Variants in DNM2 observed in about 807,000 individuals in gnomAD.
DNM2 encodes dynamin 2.
DNM2 carries 15 observed loss-of-function variants against 99.0 expected under a neutral mutation model. The observed-to-expected ratio is 0.15, with a 90% CI of 0.10 to 0.23. The LOEUF is 0.23. Among genes scored for constraint, DNM2 ranks in the 10% least tolerant of loss-of-function variants. DNM2 has a pLI of 1.00. For missense variants in DNM2, 742 were observed against 1,189.4 expected, an observed-to-expected ratio of 0.62 and a Z score of 5.53; for synonymous variants, 525 against 481.2, an observed-to-expected ratio of 1.09 and a Z score of -1.19.
intron 1 of DNM2, among the ~76,000 whole-genome samples, chr19:10,758,363 T>C (rs867198446): frequency 8.8e-4 from 67 of 75,812 alleles, no homozygotes; most frequent in Non-Finnish European, 1.0e-3. Flanking sequence ...CCCTCCTTCC[T>C]TCCCTCCCTC....
At chr19:10,822,817 AAC>A (rs1737778852) in intron 16 of DNM2, among the ~76,000 whole-genome samples, 1 of 151,414 alleles carries the variant, frequency 6.6e-6, no homozygotes, top group Non-Finnish European at 1.5e-5. Context: ...TTTTATAAAA[AAC>A]ACACAGGCCG....
chr19:10,816,856 C>T lies in DNM2; in HGVS notation c.1672-3124C>T, dbSNP rs1240432934. 6.6e-6 allele frequency among the ~76,000 whole-genome samples: 1 copy of T among 152,204 alleles called. No individual in the cohort carries two copies. The highest frequency in any genetic ancestry group is 2.4e-5 in the African/African-American group (1 of 41,456). On this transcript the variant is annotated intron_variant, in intron 15 of 20. Coordinates refer to ENST00000389253, the MANE Select transcript of DNM2 (RefSeq NM_001005361.3). The surrounding 1 kb of genome is among the most constrained non-coding windows in gnomAD (Gnocchi z 4.6). The stretch of plus-strand genomic sequence containing the variant: ...CTCTTCCTTCACGTGAGGGGCCCTT[C>T]GTGTTTTTCTCATCTGAGAGTTGAA...
At chr19:10,732,863 G>C (rs563352462) in intron 1 of DNM2, among the ~76,000 whole-genome samples, 13 of 151,826 alleles carry the variant, frequency 8.6e-5, no homozygotes, top group South Asian at 2.1e-4. Flanking sequence ...GTGCCTCCAA[G>C]AATGTTTGGC....
chr19:10,771,993 A>G (rs1012210788), intron 2 of DNM2, among the ~76,000 whole-genome samples: 5 of 152,296 alleles, frequency 3.3e-5, no homozygotes, highest in Admixed American at 2.6e-4. Flanking sequence ...GACCCTTGTC[A>G]TGAGAACGAA....
At position 10,820,715 on chromosome 19, in the gene DNM2, GC is replaced by G. The variant is rs1198261450; in HGVS notation, c.1781+627del. On this transcript the variant is annotated intron_variant, in intron 16 of 20. Coordinates refer to ENST00000389253, the MANE Select transcript of DNM2 (RefSeq NM_001005361.3). This position sits in a 1 kb window ranked among gnomAD's most constrained non-coding sequence, Gnocchi z 4.3. ...CCAAGGGAGAGGGTGCATCAGGGAG[GC>G]ACCTGGGTAGATCGAGGAGTGTGAT... 5.9e-5 allele frequency among the ~76,000 whole-genome samples: 9 copies of G among 152,212 alleles called. No individual in the cohort carries two copies.
intron 4 of DNM2, among the ~76,000 whole-genome samples, chr19:10,776,178 A>G (rs956840531): frequency 1.3e-5 from 2 of 152,168 alleles, no homozygotes; most frequent in Non-Finnish European, 2.9e-5. Context: ...GGAAGGGCCC[A>G]GCGCTCCATC....
intron 1 of DNM2, among the ~76,000 whole-genome samples, chr19:10,748,474 T>C (rs8107122): frequency 0.1 from 15,737 of 152,168 alleles, 1,270 homozygotes; most frequent in East Asian, 0.37. Flanking sequence ...CTGCGGACAC[T>C]GTGTGGGCCG....
chr19:10,822,499 A>C (rs2073007679), intron 16 of DNM2, among the ~76,000 whole-genome samples: 1 of 148,540 alleles, frequency 6.7e-6, no homozygotes, highest in East Asian at 2.1e-4. Flanking sequence ...ACTTTACAAA[A>C]ATTTTTTTGT....
In DNM2 at chr19:10,797,514, A is replaced by T. The variant is rs371514802; in HGVS notation, c.1331A>T (p.Glu444Val). Residue 444 changes from glutamate (E) to valine (V), a missense_variant, in exon 10 of 21, where the codon GAG becomes GTG. Coordinates refer to ENST00000389253, the MANE Select transcript of DNM2 (RefSeq NM_001005361.3). Reference sequence around the variant, plus strand: ...GCCACGGTCATAAAAAAGTGTGCCGAGAAGGTAACAGGTTTTGTTCTCATC... The same window carrying T: ...GCCACGGTCATAAAAAAGTGTGCCGTGAAGGTAACAGGTTTTGTTCTCATC... Reference protein sequence around the residue: ...ELATVIKKCAEKLSSYPRLRE... With the variant: ...ELATVIKKCAVKLSSYPRLRE... 8 of 1,613,736 alleles carry T rather than the reference A, an allele frequency of 5.0e-6. No individual in the cohort carries two copies. The highest frequency in any genetic ancestry group is 5.9e-6 in the Non-Finnish European group (7 of 1,179,874).
intron 7 of DNM2, among the ~76,000 whole-genome samples, chr19:10,791,909 G>A (rs963673312): frequency 3.3e-5 from 5 of 152,100 alleles, no homozygotes; most frequent in Admixed American, 6.6e-5. Context: ...CCAACATGCC[G>A]AAACCCCATT....
At position 10,764,197 on chromosome 19, in the gene DNM2, C is replaced by G. The variant is rs1299917332; in HGVS notation, c.235+4386C>G. ...GCTGCCACCCTTTACTGGCCCGGGACTTGTTAAAGTGACTTCCCTCTCTGT... is the reference window on the plus strand; with the variant it reads ...GCTGCCACCCTTTACTGGCCCGGGAGTTGTTAAAGTGACTTCCCTCTCTGT... On this transcript the variant is annotated intron_variant, in intron 2 of 20. Coordinates refer to ENST00000389253, the MANE Select transcript of DNM2 (RefSeq NM_001005361.3). This position sits in a 1 kb window ranked among gnomAD's most constrained non-coding sequence, Gnocchi z 4.1. 1.3e-5 allele frequency among the ~76,000 whole-genome samples: 2 copies of G among 152,138 alleles called. No individual in the cohort carries two copies. Among genetic ancestry groups the G allele is most frequent in the African/African-American group, 4.8e-5 (2 of 41,418 alleles).
chr19:10,802,509 C>A, intron 12 of DNM2, 151 bp downstream of exon 12: 2 of 845,014 alleles, frequency 2.4e-6, no homozygotes, highest in South Asian at 1.4e-5. Context: ...CTGAGAATAT[C>A]TGGAAGCTCT....
intron 12 of DNM2, 44 bp from the exon 13 acceptor site, chr19:10,805,872 C>G: frequency 6.2e-7 from 1 of 1,613,898 alleles, no homozygotes. Flanking sequence ...TTCTTCCCCC[C>G]CGGCATCTTG....
At chr19:10,790,300 T>TGTTA (rs1410098831) in intron 7 of DNM2, among the ~76,000 whole-genome samples, 1 of 151,678 alleles carries the variant, frequency 6.6e-6, no homozygotes, top group Non-Finnish European at 1.5e-5. Flanking sequence ...TTTTTTTGTT[T>TGTTA]GTTTGTTTGT....
chr19:10,788,103 G>C (rs1034581147), intron 7 of DNM2, among the ~76,000 whole-genome samples: 21 of 142,866 alleles, frequency 1.5e-4, no homozygotes, highest in African/African-American at 4.7e-4. Flanking sequence ...TGTGGTGGCA[G>C]GCGCCTGTAA....
chr19:10,732,897 T>A (rs2145720739), intron 1 of DNM2, among the ~76,000 whole-genome samples: 1 of 151,908 alleles, frequency 6.6e-6, no homozygotes, highest in Non-Finnish European at 1.5e-5. Context: ...TTTTTTTTTC[T>A]TTTGAGACAA....
At chr19:10,750,989 T>C (rs188293333) in intron 1 of DNM2, among the ~76,000 whole-genome samples, 25 of 151,762 alleles carry the variant, frequency 1.6e-4, no homozygotes, top group African/African-American at 5.6e-4. Flanking sequence ...TGTTGGAGGA[T>C]CCCACCTTGG....
chr19:10,759,397 G>A (rs1253525386), intron 1 of DNM2, among the ~76,000 whole-genome samples: 1 of 152,132 alleles, frequency 6.6e-6, no homozygotes, highest in Non-Finnish European at 1.5e-5. Context: ...GTGGCATTGT[G>A]TTGATTTAAA....
intron 1 of DNM2, among the ~76,000 whole-genome samples, chr19:10,732,022 T>C (rs2069340084): frequency 6.6e-6 from 1 of 150,578 alleles, no homozygotes. Context: ...TGGTGCAATC[T>C]CGGCTCGCTG....
Sources: allele counts gnomAD v4.1 joint callset (sites outside exome capture counted in the v4.1 genomes callset), GRCh38; gene constraint gnomAD v4.1.1; non-coding constraint Gnocchi (gnomAD v3.1); transcripts MANE v1.5; gene names NCBI Gene and HGNC (gene_info 2026-07-23, HGNC 2026-07-21).